The following SUGCT variants were observed in gnomAD, a reference collection of about 807,000 sequenced individuals.
The protein encoded by SUGCT is succinyl-CoA:glutarate-CoA transferase, also known as succinyl-CoA:glutarate CoA-transferase.
A neutral mutation model predicts 55.0 loss-of-function variants in SUGCT; 41 were observed. That is an observed-to-expected ratio of 0.74 (90% CI 0.58 to 0.97). The LOEUF (loss-of-function observed/expected upper bound fraction) is 0.97. Ranked by LOEUF, SUGCT falls within the 50% of genes least tolerant of loss-of-function variation. The pLI is 0.00. For missense variants in SUGCT, 568 were observed against 547.8 expected (o/e 1.04, Z -0.37); for synonymous variants, 187 against 200.4 (o/e 0.93, Z 0.56).
At chr7:40,275,593 T>A (rs1047723093) in intron 8 of SUGCT, among the ~76,000 whole-genome samples, 1 of 152,172 alleles carries the variant, frequency 6.6e-6, no homozygotes, top group Admixed American at 6.5e-5. Flanking sequence ...TTATTCGTGA[T>A]CAAGTCATAG....
chr7:40,342,163 A>G (rs1797083909), intron 9 of SUGCT, among the ~76,000 whole-genome samples: 2 of 152,182 alleles, frequency 1.3e-5, no homozygotes, highest in African/African-American at 4.8e-5. Flanking sequence ...CTTCTCTCCA[A>G]CTCAGCCAAA....
chr7:40,237,311 G>C (rs533338764), intron 6 of SUGCT, among the ~76,000 whole-genome samples: 50 of 152,050 alleles, frequency 3.3e-4, no homozygotes, highest in African/African-American at 1.1e-3. Flanking sequence ...GGGTGTGATG[G>C]TGCACGCCTG....
chr7:40,191,200 A>G (rs529927926), intron 5 of SUGCT, among the ~76,000 whole-genome samples: 101 of 152,188 alleles, frequency 6.6e-4, no homozygotes, highest in Non-Finnish European at 1.2e-3. Context: ...TATTTTTAGT[A>G]GAGATGGGGT....
At position 40,545,189 on chromosome 7, in the gene SUGCT, T is replaced by G. The variant is rs189089509; in HGVS notation, c.1089+48803T>G. On this transcript the variant is annotated intron_variant, in intron 12 of 13. Transcript: ENST00000335693. ...CAAATTCCTCTGTCTTTAGAAATGA[T>G]AGCTCAGCTCTCATAAACCTCAACT... Among the ~76,000 whole-genome samples the G allele has an allele frequency of 3.7e-3, 566 of 152,310 alleles. 5 individuals are homozygous for G. Among genetic ancestry groups the G allele is most frequent in the African/African-American group, 0.012 (514 of 41,574 alleles).
chr7:40,871,768 G>C, the SUGCT span, among the ~76,000 whole-genome samples: 1 of 150,728 alleles, frequency 6.6e-6, no homozygotes, highest in African/African-American at 2.4e-5. Flanking sequence ...CATTATGAAA[G>C]GGCAGTGTTG....
chr7:40,847,532 T>G (rs2128795907), intron 13 of SUGCT, among the ~76,000 whole-genome samples: 1 of 151,692 alleles, frequency 6.6e-6, no homozygotes, highest in African/African-American at 2.4e-5. Context: ...TTCTCCTGCT[T>G]TAGCCTCCTG....
the SUGCT span, among the ~76,000 whole-genome samples, chr7:40,981,588 T>G: frequency 6.6e-6 from 1 of 152,230 alleles, no homozygotes; most frequent in African/African-American, 2.4e-5. Flanking sequence ...AACAAATTCC[T>G]TCTTCAATTT....
At chr7:41,002,506 G>A in the SUGCT span, among the ~76,000 whole-genome samples, 30 of 152,262 alleles carry the variant, frequency 2.0e-4, no homozygotes, top group Admixed American at 1.2e-3. Context: ...GTGAGAAATC[G>A]TTGCTTGGGA....
chr7:40,143,124 G>A (rs1311873681), intron 1 of SUGCT, among the ~76,000 whole-genome samples: 1 of 152,070 alleles, frequency 6.6e-6, no homozygotes, highest in African/African-American at 2.4e-5. Context: ...CTTGATGAAA[G>A]GCCAGAGTAA....
chr7:40,872,731 A>G, the SUGCT span, among the ~76,000 whole-genome samples: 1 of 152,372 alleles, frequency 6.6e-6, no homozygotes, highest in South Asian at 2.1e-4. Flanking sequence ...TTTAAAGGAG[A>G]AAGAAACTTT....
chr7:40,406,036 C>A (rs192379286), intron 9 of SUGCT, among the ~76,000 whole-genome samples: 1 of 152,150 alleles, frequency 6.6e-6, no homozygotes, highest in East Asian at 1.9e-4. Flanking sequence ...TTCCTTAAAT[C>A]AGCCTCCCTG....
At chr7:40,229,831 A>C (rs2150854753) in intron 6 of SUGCT, among the ~76,000 whole-genome samples, 1 of 151,706 alleles carries the variant, frequency 6.6e-6, no homozygotes, top group Admixed American at 6.6e-5. Context: ...AAAAAAAAAA[A>C]GCATCAGGAG....
rs190472491 is a variant in SUGCT at position 40,625,928 on chromosome 7, G to A, written c.1090-123506G>A. Among the ~76,000 whole-genome samples, 887 of 152,294 alleles carry A rather than the reference G, an allele frequency of 5.8e-3. 6 individuals are homozygous for A. The highest frequency in any genetic ancestry group is 6.1e-3 in the Non-Finnish European group (418 of 68,032). ...GCAATTGCTCAGCATCAAGCATGGT[G>A]TGAAGCACTTCACATTCTTTATTTA... is the stretch of plus-strand genomic sequence containing the variant. On this transcript the variant is annotated intron_variant, in intron 12 of 13. Transcript: ENST00000335693.
chr7:40,303,491 C>CTT, intron 8 of SUGCT, among the ~76,000 whole-genome samples: 1 of 147,194 alleles, frequency 6.8e-6, no homozygotes, highest in Non-Finnish European at 1.5e-5. Context: ...CATTTCTTCT[C>CTT]TTTTTTTTTT....
At chr7:40,361,229 T>G (rs1798137150) in intron 9 of SUGCT, among the ~76,000 whole-genome samples, 2 of 152,084 alleles carry the variant, frequency 1.3e-5, no homozygotes, top group Admixed American at 1.3e-4. Flanking sequence ...GTCAGCAGTC[T>G]AATCTGCTCT....
intron 13 of SUGCT, among the ~76,000 whole-genome samples, chr7:40,796,198 A>G (rs1790544408): frequency 1.3e-5 from 2 of 152,184 alleles, no homozygotes; most frequent in South Asian, 4.1e-4. Flanking sequence ...GATGTCTAAT[A>G]GCATCTAGAA....
At chr7:40,680,855 C>CT (rs1429525491) in intron 12 of SUGCT, among the ~76,000 whole-genome samples, 1 of 152,108 alleles carries the variant, frequency 6.6e-6, no homozygotes, top group Non-Finnish European at 1.5e-5. Flanking sequence ...AGGTGAGGCT[C>CT]TAGGGGCAGT....
intron 9 of SUGCT, among the ~76,000 whole-genome samples, chr7:40,414,565 C>T (rs948529209): frequency 6.6e-6 from 1 of 151,942 alleles, no homozygotes; most frequent in Non-Finnish European, 1.5e-5. Context: ...TGCCCCTGCC[C>T]TACATCTAAT....
At chr7:40,408,038 A>G (rs1583615507) in intron 9 of SUGCT, among the ~76,000 whole-genome samples, 1 of 152,168 alleles carries the variant, frequency 6.6e-6, no homozygotes, top group South Asian at 2.1e-4. Context: ...GTCTTTTGGT[A>G]GTCATTATGT....
Sources: gnomAD v4.1 joint callset for allele counts (sites outside exome capture counted in the v4.1 genomes callset) on GRCh38, gnomAD v4.1.1 for gene constraint, MANE v1.5 for transcripts, NCBI Gene and HGNC (gene_info 2026-07-23, HGNC 2026-07-21) for gene names.